Variants in NRK observed in about 807,000 individuals in gnomAD.
The protein encoded by NRK is nik-related protein kinase.
In NRK, 67 loss-of-function variants were observed where a neutral mutation model predicts 125.2. That is an observed-to-expected ratio of 0.54 (90% confidence interval 0.44 to 0.66). NRK has a LOEUF of 0.66. Ranked by LOEUF, NRK falls within the 30% of genes least tolerant of loss-of-function variation. The pLI is 0.00. For synonymous variants in NRK, 458 were observed against 429.0 expected (o/e 1.07, Z -0.84); for missense variants, 1,224 against 1,192.9 (o/e 1.03, Z -0.38).
intron 6 of NRK, 34 bp from the exon 7 acceptor site, chrX:105,895,399 T>A: frequency 6.5e-6 from 6 of 922,864 alleles, no homozygotes; most frequent in Non-Finnish European, 9.4e-6. Context: ...GAAAGAAATA[T>A]ATACTGATGT....
At chrX:105,832,065 G>A (rs150913867) in intron 2 of NRK, among the ~76,000 whole-genome samples, 140 of 111,264 alleles carry the variant, frequency 1.3e-3, no homozygotes, top group South Asian at 3.1e-3. Flanking sequence ...TAGTGTTCAC[G>A]GGAGGCCCTG....
At chrX:105,848,562 A>G (rs1214286287) in intron 2 of NRK, among the ~76,000 whole-genome samples, 1 of 112,042 alleles carries the variant, frequency 8.9e-6, no homozygotes, top group Non-Finnish European at 1.9e-5. Context: ...GACAGCTCTG[A>G]GTAAATGATA....
intron 4 of NRK, among the ~76,000 whole-genome samples, chrX:105,882,151 A>G (rs1271464501): frequency 1.8e-5 from 2 of 110,891 alleles, no homozygotes; most frequent in Admixed American, 1.9e-4. Flanking sequence ...TCCTTTTCAC[A>G]CGTTTATCAT....
intron 7 of NRK, among the ~76,000 whole-genome samples, chrX:105,897,969 T>A (rs2040106981): frequency 8.9e-6 from 1 of 111,826 alleles, no homozygotes. Flanking sequence ...TTCAGCCTTT[T>A]TTCTGTTTCT....
At chrX:105,928,957 C>A (rs2040559519) in intron 19 of NRK, among the ~76,000 whole-genome samples, 2 of 111,633 alleles carry the variant, frequency 1.8e-5, no homozygotes, top group African/African-American at 6.5e-5. Context: ...GCATATTCTG[C>A]AGCTGTTGGG....
Position 105,934,275 on chromosome X carries a change from T to C in NRK, c.3330T>C (p.Asn1110=). 1.7e-6 allele frequency: 2 copies of C among 1,175,349 alleles called. No individual in the cohort carries two copies. Among genetic ancestry groups the C allele is most frequent in the East Asian group, 3.1e-5 (1 of 32,339 alleles). ...TCTTTTAGGAGCCAGGTGGTGGAAA[T>C]GAGGCCTCAAATGCCATTGACTCAG... ...EYLQEEPGGG[N]EASNAIDSGA... The change falls in exon 20 of 29, where the codon AAT becomes AAC. Residue 1110 remains asparagine, a synonymous_variant. Transcript: ENST00000243300.
intron 8 of NRK, 134 bp downstream of exon 8, chrX:105,898,848 A>T: frequency 6.4e-6 from 3 of 465,356 alleles, no homozygotes; most frequent in Non-Finnish European, 6.7e-6. Context: ...TAGGAAATAC[A>T]AGCCTCTATT....
rs2040815661 is a variant in NRK at position 105,946,530 on chromosome X, A to G, written c.4353+66A>G. 3.7e-5 allele frequency: 30 copies of G among 802,149 alleles called. No homozygotes were observed. In the South Asian group the frequency reaches 7.1e-4, roughly 19 times the overall value. 66.1% of individuals were successfully genotyped at this position (802,149 alleles called of 1,213,427 possible). A position where few individuals can be genotyped will look rare whatever the true frequency, so the allele number is the denominator to read the frequency against. The stretch of plus-strand genomic sequence containing the variant: ...CACCATTTGAGTTTTTCCAACTGTC[A>G]AAACTCTGAAAGGTTTAAAAATATG... On this transcript the variant is annotated intron_variant, in intron 26 of 28. Transcript: ENST00000243300.
intron 2 of NRK, among the ~76,000 whole-genome samples, chrX:105,854,215 C>T (rs759923855): frequency 1.8e-5 from 2 of 112,100 alleles, no homozygotes; most frequent in South Asian, 3.7e-4. Context: ...ATAGAATTTA[C>T]GTAGTGAGAT....
chrX:105,835,241 T>G (rs73531076), intron 2 of NRK, among the ~76,000 whole-genome samples: 12,784 of 111,187 alleles, frequency 0.11, 1,817 homozygotes, highest in African/African-American at 0.4. Flanking sequence ...ATGGTTACTC[T>G]CAGTTCACTA....
At chrX:105,878,238 C>T (rs1050404766) in intron 2 of NRK, among the ~76,000 whole-genome samples, 3 of 110,694 alleles carry the variant, frequency 2.7e-5, no homozygotes, top group African/African-American at 9.8e-5. Context: ...TATATAATTC[C>T]TCCCAGAGAT....
intron 2 of NRK, among the ~76,000 whole-genome samples, chrX:105,855,986 T>A (rs1175483673): frequency 8.9e-6 from 1 of 112,047 alleles, no homozygotes; most frequent in Non-Finnish European, 1.9e-5. Flanking sequence ...TTTGTGGTTG[T>A]AACATTTTTA....
At chrX:105,869,593 A>G (rs2039716497) in intron 2 of NRK, among the ~76,000 whole-genome samples, 1 of 111,617 alleles carries the variant, frequency 9.0e-6, no homozygotes, top group Non-Finnish European at 1.9e-5. Context: ...GAGACAATTC[A>G]GTTTATAAAG....
At position 105,923,151 on chromosome X, in the gene NRK, C is replaced by T; in HGVS notation, c.2644C>T (p.Pro882Ser). The T allele has an allele frequency of 5.8e-6, 7 of 1,201,830 alleles. No homozygotes were observed. Among genetic ancestry groups the T allele is most frequent in the Non-Finnish European group, 7.9e-6 (7 of 887,343 alleles). The change falls in exon 18 of 29, where the codon CCC (proline) becomes TCC (serine). Residue 882 changes from proline to serine, a missense_variant. Physicochemically the swap from Pro to Ser is moderately conservative, Grantham distance 74 (BLOSUM62 -1). Coordinates refer to ENST00000243300, the MANE Select transcript of NRK (RefSeq NM_198465.4). ...TGGATTTAAAGTAGGAAAAATATCACCCCCTGTATACTTGACAAACGAATG... is the reference window on the plus strand; with the variant it reads ...TGGATTTAAAGTAGGAAAAATATCATCCCCTGTATACTTGACAAACGAATG... ...PDGFKVGKIS[P>S]PVYLTNEWVG...
At chrX:105,861,289 A>C (rs2039598991) in intron 2 of NRK, among the ~76,000 whole-genome samples, 1 of 112,298 alleles carries the variant, frequency 8.9e-6, no homozygotes, top group African/African-American at 3.2e-5. Context: ...AAATCCATTC[A>C]GATCATTTGT....
At chrX:105,871,365 A>G (rs1420562515) in intron 2 of NRK, among the ~76,000 whole-genome samples, 2 of 111,250 alleles carry the variant, frequency 1.8e-5, no homozygotes, top group African/African-American at 6.5e-5. Context: ...ACTTAGCCAC[A>G]GTACTTTCAC....
intron 2 of NRK, among the ~76,000 whole-genome samples, chrX:105,876,235 T>C (rs965430006): frequency 3.6e-5 from 4 of 110,769 alleles, no homozygotes; most frequent in African/African-American, 1.3e-4. Flanking sequence ...TAACAATATA[T>C]TGTTATAAAT....
chrX:105,844,140 T>A (rs1169613900), intron 2 of NRK, among the ~76,000 whole-genome samples: 1 of 109,552 alleles, frequency 9.1e-6, no homozygotes, highest in Non-Finnish European at 1.9e-5. Flanking sequence ...ATGTATATGC[T>A]TGATTTATGC....
At chrX:105,939,693 A>G (rs374010256) in intron 22 of NRK, among the ~76,000 whole-genome samples, 181 bp from the exon 23 acceptor site, 1 of 112,013 alleles carries the variant, frequency 8.9e-6, no homozygotes, top group East Asian at 2.8e-4. Flanking sequence ...TTGAGAGACT[A>G]AAATAATCTG....
Sources: allele counts gnomAD v4.1 joint callset (sites outside exome capture counted in the v4.1 genomes callset), GRCh38; gene constraint gnomAD v4.1.1; transcripts MANE v1.5; gene names NCBI Gene and HGNC (gene_info 2026-07-23, HGNC 2026-07-21).